Variants in PPARA observed in about 807,000 individuals in gnomAD.
PPARA encodes the protein peroxisome proliferator-activated receptor alpha.
A neutral mutation model predicts 42.2 loss-of-function variants in PPARA; 22 were observed. That is an observed-to-expected ratio of 0.52 (90% confidence interval 0.37 to 0.74). PPARA has a LOEUF of 0.74. PPARA is among the 30% of genes least tolerant of loss of function. The probability of loss-of-function intolerance (pLI) is 0.00; values close to 1 mark genes in which losing one functional copy is unlikely to be tolerated. For missense variants in PPARA, 465 were observed against 608.2 expected, an observed-to-expected ratio of 0.76 and a Z score of 2.48; for synonymous variants, 242 against 239.3, an observed-to-expected ratio of 1.01 and a Z score of -0.10.
In PPARA at chr22:46,215,248, G is replaced by A; in HGVS notation, c.284G>A (p.Ser95Asn). 6.2e-7 allele frequency: 1 copy of A among 1,614,170 alleles called. No individual in the cohort carries two copies. Residue 95 changes from serine (S) to asparagine (N), a missense_variant, in exon 5 of 9, where the codon AGT becomes AAT. Physicochemically the swap from Ser to Asn is conservative, Grantham distance 46. Around this residue, in one of 2 missense-constraint regions of PPARA, gnomAD observed 152 missense variants for 139.1 expected, o/e 1.09. Coordinates refer to ENST00000407236, the MANE Select transcript of PPARA (RefSeq NM_005036.6). The part of the protein sequence containing the change: ...VVPGSVDESP[S>N]GALNIECRIC... ...CCCGGCAGCGTGGACGAGTCTCCCA[G>A]TGGAGCATTGAACATCGAATGTAGA... is the stretch of plus-strand genomic sequence containing the variant.
chr22:46,185,934 T>A lies in PPARA; in HGVS notation c.-43+9098T>A, dbSNP rs868550272. Among the ~76,000 whole-genome samples the A allele has an allele frequency of 3.3e-3, 97 of 29,352 alleles. 5 individuals carry two copies. The highest frequency in any genetic ancestry group is 9.0e-3 in the African/African-American group (82 of 9,078). The allele number at this position is 29,352 out of a possible 152,430, so 19.3% of individuals were successfully genotyped here. On this transcript the variant is annotated intron_variant, in intron 3 of 8. Coordinates refer to ENST00000407236, the MANE Select transcript of PPARA (RefSeq NM_005036.6). ...AAAAAAAAATATATATATATATATA[T>A]ATATATATATATATATATATATATA...
Position 46,188,457 on chromosome 22 carries a change from G to A in PPARA, c.-42-9885G>A, listed in dbSNP as rs1274402194. Reference sequence around the variant, plus strand: ...TCCCTTCCTGTATGTAGGCTCCCTGGCCCTCCAGGATTCCCCCAGTAACAG... The same window carrying A: ...TCCCTTCCTGTATGTAGGCTCCCTGACCCTCCAGGATTCCCCCAGTAACAG... On this transcript the variant is annotated intron_variant, in intron 3 of 8. Coordinates refer to ENST00000407236, the MANE Select transcript of PPARA (RefSeq NM_005036.6). This position sits in a 1 kb window ranked among gnomAD's most constrained non-coding sequence, Gnocchi z 5.0. Among the ~76,000 whole-genome samples the A allele has an allele frequency of 2.0e-5, 3 of 151,952 alleles. No homozygotes were observed. The highest frequency in any genetic ancestry group is 4.4e-5 in the Non-Finnish European group (3 of 68,020).
intron 4 of PPARA, among the ~76,000 whole-genome samples, chr22:46,202,152 C>T (rs2147420038): frequency 6.6e-6 from 1 of 152,204 alleles, no homozygotes. Context: ...TGCCCAGCCC[C>T]CTCCTGCCTC....
intron 3 of PPARA, among the ~76,000 whole-genome samples, chr22:46,186,615 CGTA>C (rs1186360595): frequency 2.6e-5 from 4 of 152,098 alleles, no homozygotes; most frequent in Non-Finnish European, 4.4e-5. Context: ...TTCAGCCAGG[CGTA>C]GTGGCTCACG....
At chr22:46,218,233 C>G in intron 5 of PPARA, 30 bp from the exon 6 acceptor site, 1 of 1,613,766 alleles carries the variant, frequency 6.2e-7, no homozygotes, top group South Asian at 1.1e-5. Flanking sequence ...TGGCCCAGGT[C>G]TTTAAATCCA....
In PPARA at chr22:46,156,076, T is replaced by C. The variant is rs1569180487; in HGVS notation, c.-127+4106T>C. On this transcript the variant is annotated intron_variant, in intron 2 of 8. Coordinates refer to ENST00000407236, the MANE Select transcript of PPARA (RefSeq NM_005036.6). The surrounding 1 kb of genome is among the most constrained non-coding windows in gnomAD (Gnocchi z 5.2). ...ACTTACTCCTTGCCAGGTCTCAACC[T>C]ATCATGGTTATCTTTGCAGCTGAGC... The C allele has an allele frequency of 6.6e-6, 1 of 152,266 alleles. No individual in the cohort carries two copies. 9.4% of individuals were successfully genotyped at this position (152,266 alleles called of 1,614,324 possible). A position where few individuals can be genotyped will look rare whatever the true frequency, so the allele number is the denominator to read the frequency against.
chr22:46,198,406 T>A lies in PPARA; in HGVS notation c.23T>A (p.Leu8His). The A allele has an allele frequency of 6.2e-7, 1 of 1,613,834 alleles. No individual in the cohort carries two copies. Among genetic ancestry groups the A allele is most frequent in the Non-Finnish European group, 8.5e-7 (1 of 1,179,914 alleles). The change falls in exon 4 of 9, where the codon CTC becomes CAC. Residue 8 changes from leucine to histidine, a missense_variant. By Grantham distance (99) the Leu-to-His change is moderately conservative. Transcript: ENST00000407236. ...GCGATGGTGGACACGGAAAGCCCAC[T>A]CTGCCCCCTCTCCCCACTCGAGGCC... MVDTESP[L>H]CPLSPLEAGD... is the part of the protein sequence containing the mutation.
At chr22:46,197,597 G>A (rs1468301942) in intron 3 of PPARA, among the ~76,000 whole-genome samples, 7 of 152,022 alleles carry the variant, frequency 4.6e-5, no homozygotes, top group Non-Finnish European at 1.0e-4. Flanking sequence ...GGTAAATGAC[G>A]TTGCATTTAA....
chr22:46,198,688 T>A, intron 4 of PPARA, 97 bp downstream of exon 4: 8 of 1,202,908 alleles, frequency 6.7e-6, no homozygotes, highest in Non-Finnish European at 9.1e-6. Flanking sequence ...TGAGACGGAG[T>A]CTCGCTCTGT....
chr22:46,210,889 T>G (rs1223847109), intron 4 of PPARA, among the ~76,000 whole-genome samples: 1 of 152,206 alleles, frequency 6.6e-6, no homozygotes, highest in African/African-American at 2.4e-5. Context: ...GTTTCTCAGC[T>G]TCATTAGATG....
In PPARA at chr22:46,198,540, G is replaced by C; in HGVS notation, c.157G>C (p.Glu53Gln). The C allele has an allele frequency of 6.2e-7, 1 of 1,614,042 alleles. No homozygotes were observed. Among genetic ancestry groups the C allele is most frequent in the Non-Finnish European group, 8.5e-7 (1 of 1,179,986 alleles). ...TAGTTCTGGAAGCTTTGGCTTTACG[G>C]AATACCAGTATTTAGGAAGCTGTCC... ...EDSSGSFGFT[E>Q]YQYLGSCPGS... Residue 53 changes from glutamate to glutamine, a missense_variant, in exon 4 of 9, where the codon GAA becomes CAA. Glu to Gln is a conservative substitution (Grantham distance 29). This residue lies in a region of PPARA where 152 missense variants were observed against 139.1 expected (regional missense o/e 1.09). Transcript: ENST00000407236.
In PPARA at chr22:46,160,782, G is replaced by A. The variant is rs1199815655; in HGVS notation, c.-127+8812G>A. On this transcript the variant is annotated intron_variant, in intron 2 of 8. Transcript: ENST00000407236. This position sits in a 1 kb window ranked among gnomAD's most constrained non-coding sequence, Gnocchi z 4.5. ...CACCCAACTAGATTTTGTGTTTTTTGTAGAGATGGGGTTTAGCCATGTTCA... is the reference window on the plus strand; with the variant it reads ...CACCCAACTAGATTTTGTGTTTTTTATAGAGATGGGGTTTAGCCATGTTCA... 6.6e-6 allele frequency among the ~76,000 whole-genome samples: 1 copy of A among 152,086 alleles called. No homozygotes were observed. The highest frequency in any genetic ancestry group is 1.9e-4 in the East Asian group (1 of 5,184).
At position 46,231,648 on chromosome 22, in the gene PPARA, A is replaced by G; in HGVS notation, c.712-144A>G. 1 of 796,168 alleles carries G rather than the reference A, an allele frequency of 1.3e-6. No homozygotes were observed. The highest frequency in any genetic ancestry group is 2.1e-6 in the Non-Finnish European group (1 of 469,324). The allele number at this position is 796,168 out of a possible 1,614,324, so 49.3% of individuals were successfully genotyped here. The stretch of plus-strand genomic sequence containing the variant: ...CCCCAACCGATTTTGAAGTTGAGTA[A>G]GGACTATGTTCCGCGGGTATCTTGA... On this transcript the variant is annotated intron_variant, in intron 7 of 8. Coordinates refer to ENST00000407236, the MANE Select transcript of PPARA (RefSeq NM_005036.6). The surrounding 1 kb of genome is among the most constrained non-coding windows in gnomAD (Gnocchi z 7.7).
chr22:46,191,575 G>T lies in PPARA; in HGVS notation c.-42-6767G>T, dbSNP rs960771861. On this transcript the variant is annotated intron_variant, in intron 3 of 8. Coordinates refer to ENST00000407236, the MANE Select transcript of PPARA (RefSeq NM_005036.6). The surrounding 1 kb of genome is among the most constrained non-coding windows in gnomAD (Gnocchi z 4.6). The stretch of plus-strand genomic sequence containing the variant: ...CTGCAAATTAGATCACCTTTCCCAC[G>T]CAGAGTCCCTTTGACTTCTGTTCTA... Among the ~76,000 whole-genome samples, 2 of 150,710 alleles carry T rather than the reference G, an allele frequency of 1.3e-5. No homozygotes were observed. The highest frequency in any genetic ancestry group is 6.7e-5 in the Admixed American group (1 of 14,986).
At chr22:46,220,444 AGCTGGGAC>A in intron 7 of PPARA, 11 of 286,844 alleles carry the variant, frequency 3.8e-5, no homozygotes, top group South Asian at 1.3e-4. Flanking sequence ...CCTCCCAAGG[AGCTGGGAC>A]TACAGGTGTG....
In PPARA at chr22:46,195,975, C is replaced by T. The variant is rs996018398; in HGVS notation, c.-42-2367C>T. On this transcript the variant is annotated intron_variant, in intron 3 of 8. Transcript: ENST00000407236. This position sits in a 1 kb window ranked among gnomAD's most constrained non-coding sequence, Gnocchi z 4.6. ...CTCTAGAAGGCAGCGGTGGGCAGGG[C>T]GGTTCAGGCAGGTGGCACCTGGGCA... 2.6e-5 allele frequency among the ~76,000 whole-genome samples: 4 copies of T among 152,266 alleles called. No individual in the cohort carries two copies. The highest frequency in any genetic ancestry group is 3.4e-3 in the Middle Eastern group (1 of 294).
chr22:46,152,163 G>T (rs944394782), intron 2 of PPARA, among the ~76,000 whole-genome samples, 193 bp downstream of exon 2: 4 of 143,746 alleles, frequency 2.8e-5, no homozygotes, highest in Non-Finnish European at 6.0e-5. Flanking sequence ...TTTTGAGACG[G>T]AGTCTCGCTC....
intron 2 of PPARA, among the ~76,000 whole-genome samples, chr22:46,175,688 T>C (rs548935506): frequency 1.3e-4 from 19 of 149,840 alleles, no homozygotes; most frequent in African/African-American, 4.7e-4. Context: ...CACTCCAGAC[T>C]GGGTGACAAA....
Position 46,182,623 on chromosome 22 carries a change from G to A in PPARA, c.-43+5787G>A, listed in dbSNP as rs540055070. Among the ~76,000 whole-genome samples, 6 of 152,230 alleles carry A rather than the reference G, an allele frequency of 3.9e-5. No homozygotes were observed. Among genetic ancestry groups the A allele is most frequent in the South Asian group, 2.1e-4 (1 of 4,826 alleles). On this transcript the variant is annotated intron_variant, in intron 3 of 8. Coordinates refer to ENST00000407236, the MANE Select transcript of PPARA (RefSeq NM_005036.6). This position sits in a 1 kb window ranked among gnomAD's most constrained non-coding sequence, Gnocchi z 5.2. The stretch of plus-strand genomic sequence containing the variant: ...GGATGATGGGTCTGCGTACTGTCTC[G>A]GCTATGATAGTGGTTTCACAGGTTG...
Sources: allele counts gnomAD v4.1 joint callset (sites outside exome capture counted in the v4.1 genomes callset), GRCh38; gene constraint gnomAD v4.1.1; regional missense constraint gnomAD v4.1.1; non-coding constraint Gnocchi (gnomAD v3.1); transcripts MANE v1.5; gene names NCBI Gene and HGNC (gene_info 2026-07-23, HGNC 2026-07-21).